Variants in PPP2R1B observed in about 807,000 individuals in gnomAD.
PPP2R1B encodes serine/threonine-protein phosphatase 2A 65 kDa regulatory subunit A beta isoform.
PPP2R1B carries 58 observed loss-of-function variants against 72.7 expected under a neutral mutation model. That is an observed-to-expected ratio of 0.80 (90% CI 0.65 to 0.99). The LOEUF (loss-of-function observed/expected upper bound fraction) is 0.99. PPP2R1B is among the 50% of genes least tolerant of loss of function. The probability of loss-of-function intolerance (pLI) is 0.00; values close to 1 mark genes in which losing one functional copy is unlikely to be tolerated. For missense variants in PPP2R1B, 695 were observed against 733.6 expected (o/e 0.95, Z 0.61); for synonymous variants, 256 against 264.6 (o/e 0.97, Z 0.32).
At chr11:111,722,627 C>A, downstream of PPP2R1B, 1 of 1,578,034 alleles carries the variant, frequency 6.3e-7, no homozygotes, top group Non-Finnish European at 8.7e-7. This position sits in a 1 kb window ranked among gnomAD's most constrained non-coding sequence, Gnocchi z 4.4. Flanking sequence ...TAGGTGACAG[C>A]ACATTGTCAC....
chr11:111,741,794 C>T (rs138633106), intron 14 of PPP2R1B, among the ~76,000 whole-genome samples, 182 bp from the exon 15 acceptor site: 3 of 152,300 alleles, frequency 2.0e-5, no homozygotes, highest in Non-Finnish European at 4.4e-5. Context: ...AAATTCCAAA[C>T]GAAAAACTAT....
downstream of PPP2R1B, among the ~76,000 whole-genome samples, chr11:111,733,200 T>A (rs1324363723): frequency 6.6e-6 from 1 of 152,136 alleles, no homozygotes; most frequent in Non-Finnish European, 1.5e-5. Context: ...GCTGCCTCCC[T>A]TTGTCCGTGT....
intron 5 of PPP2R1B, among the ~76,000 whole-genome samples, chr11:111,757,835 CAA>C (rs1334506925): frequency 5.1e-4 from 53 of 102,970 alleles, no homozygotes; most frequent in South Asian, 1.7e-3. Context: ...AACTCCATCT[CAA>C]AAAAAAAAAA....
At chr11:111,744,469 A>C (rs972037100) in intron 11 of PPP2R1B, among the ~76,000 whole-genome samples, 4 of 152,220 alleles carry the variant, frequency 2.6e-5, no homozygotes, top group Admixed American at 1.3e-4. Flanking sequence ...ATCATTTATC[A>C]AAGACATAAA....
At chr11:111,719,468 C>A in the PPP2R1B span, among the ~76,000 whole-genome samples, 2 of 148,132 alleles carry the variant, frequency 1.4e-5, no homozygotes, top group Non-Finnish European at 3.0e-5. Context: ...TGGTAGTCCT[C>A]AAACTAATAT....
chr11:111,689,942 TTTAAG>T, the PPP2R1B span, among the ~76,000 whole-genome samples: 2 of 152,062 alleles, frequency 1.3e-5, no homozygotes, highest in African/African-American at 4.8e-5. Context: ...ACAAAATGTT[TTTAAG>T]TTAATTTGTT....
rs1328178673 is a variant in PPP2R1B, at chr11:111,742,614, T to C, written c.1606A>G (p.Ile536Val). ...QEITTKQMLP[I>V]VLKMAGDQVA... Reference sequence around the variant, plus strand: ...TGGTCTCCTGCCATTTTTAATACGATGGGCAGCATTTGCTTAGTAGTTATT... The same window carrying C: ...TGGTCTCCTGCCATTTTTAATACGACGGGCAGCATTTGCTTAGTAGTTATT... Residue 536 changes from isoleucine (I) to valine (V), a missense_variant, in exon 13 of 15, where the codon ATC (isoleucine) becomes GTC (valine). By Grantham distance (29) the Ile-to-Val change is conservative. Coordinates refer to ENST00000527614, the MANE Select transcript of PPP2R1B (RefSeq NM_002716.5). 6 of 1,613,784 alleles carry C rather than the reference T, an allele frequency of 3.7e-6. No individual in the cohort carries two copies. The highest frequency in any genetic ancestry group is 2.2e-5 in the East Asian group (1 of 44,868).
At chr11:111,724,169 G>C (rs1309225640), downstream of PPP2R1B, 4 of 1,565,240 alleles carry the variant, frequency 2.6e-6, no homozygotes, top group Admixed American at 5.4e-5. Flanking sequence ...TGAAGGAAGA[G>C]TGTATGTTCC....
the PPP2R1B span, among the ~76,000 whole-genome samples, chr11:111,699,698 A>C: frequency 6.6e-6 from 1 of 152,198 alleles, no homozygotes; most frequent in East Asian, 1.9e-4. Context: ...GCTTTGCCTA[A>C]GGTGCACATG....
chr11:111,720,419 C>G, the PPP2R1B span: 18 of 1,491,728 alleles, frequency 1.2e-5, no homozygotes, highest in Non-Finnish European at 1.6e-5. Flanking sequence ...TGCTTTGTAC[C>G]CTATGTTCCA....
chr11:111,759,679 G>A, intron 5 of PPP2R1B, 125 bp downstream of exon 5: 1 of 1,041,968 alleles, frequency 9.6e-7, no homozygotes, highest in Non-Finnish European at 1.3e-6. Flanking sequence ...CTTTAACCAG[G>A]CCAGAATCAG....
the PPP2R1B span, among the ~76,000 whole-genome samples, chr11:111,694,768 T>C: frequency 6.6e-6 from 1 of 152,242 alleles, no homozygotes; most frequent in Non-Finnish European, 1.5e-5. Flanking sequence ...GCTGGGAATA[T>C]GGAAGATGGC....
At chr11:111,694,461 G>A in the PPP2R1B span, among the ~76,000 whole-genome samples, 4 of 152,014 alleles carry the variant, frequency 2.6e-5, no homozygotes, top group East Asian at 7.7e-4. Flanking sequence ...TTGAGGCAGT[G>A]GCCCATCATT....
At chr11:111,708,842 C>T in the PPP2R1B span, among the ~76,000 whole-genome samples, 1 of 152,134 alleles carries the variant, frequency 6.6e-6, no homozygotes, top group Non-Finnish European at 1.5e-5. Context: ...CCTACCGTGA[C>T]CTCCCAAAGT....
chr11:111,730,974 G>A (rs1944172190), intron 15 of PPP2R1B: 2 of 152,232 alleles, frequency 1.3e-5, no homozygotes, highest in Non-Finnish European at 2.9e-5. Flanking sequence ...CTCATTTCAG[G>A]CTGCAGAAAA....
the PPP2R1B span, chr11:111,703,511 T>C: frequency 2.6e-6 from 3 of 1,173,802 alleles, no homozygotes; most frequent in South Asian, 2.6e-5. Flanking sequence ...TTTTAGCACA[T>C]GTATCTCCAG....
chr11:111,755,107 T>G lies in PPP2R1B; in HGVS notation c.844-13A>C. 6.3e-7 allele frequency: 1 copy of G among 1,593,184 alleles called. No individual in the cohort carries two copies. The highest frequency in any genetic ancestry group is 8.6e-7 in the Non-Finnish European group (1 of 1,164,046). On this transcript the variant is annotated splice_polypyrimidine_tract_variant and intron_variant, in intron 6 of 14. Coordinates refer to ENST00000527614, the MANE Select transcript of PPP2R1B (RefSeq NM_002716.5). ...TGGCTTTCTGGAGCTATAAAAGAAT[T>G]TGAACGGGTTTTAATGTATACTAAC...
At chr11:111,724,151 G>A (rs776781348), downstream of PPP2R1B, 1 of 1,595,502 alleles carries the variant, frequency 6.3e-7, no homozygotes, top group African/African-American at 1.3e-5. Context: ...GAATTGAGGT[G>A]GGTCAGGTGA....
At chr11:111,711,680 C>G in the PPP2R1B span, among the ~76,000 whole-genome samples, 1 of 152,224 alleles carries the variant, frequency 6.6e-6, no homozygotes, top group African/African-American at 2.4e-5. Context: ...CTTTCTTCCT[C>G]TTCGCATACA....
Sources: gnomAD v4.1 joint callset for allele counts (sites outside exome capture counted in the v4.1 genomes callset) on GRCh38, gnomAD v4.1.1 for gene constraint, Gnocchi (gnomAD v3.1) non-coding constraint, MANE v1.5 for transcripts, NCBI Gene and HGNC (gene_info 2026-07-23, HGNC 2026-07-21) for gene names.